The following GALNTL6 variants were observed in gnomAD, a reference collection of about 807,000 sequenced individuals.
GALNTL6 encodes polypeptide N-acetylgalactosaminyltransferase like 6, also known as polypeptide N-acetylgalactosaminyltransferase-like 6.
Under a neutral mutation model 73.7 loss-of-function variants are expected in GALNTL6, and 46 were observed. The observed-to-expected ratio is 0.62, with a 90% CI of 0.49 to 0.80. GALNTL6 has a LOEUF of 0.80. Among genes scored for constraint, GALNTL6 ranks in the 30% least tolerant of loss-of-function variants. GALNTL6 has a pLI of 0.00. For synonymous variants in GALNTL6, 259 were observed against 263.7 expected (o/e 0.98, Z 0.17); for missense variants, 604 against 755.0 (o/e 0.80, Z 2.34).
intron 5 of GALNTL6, among the ~76,000 whole-genome samples, chr4:172,460,339 G>A (rs1732565438): frequency 6.6e-6 from 1 of 150,864 alleles, no homozygotes; most frequent in Non-Finnish European, 1.5e-5. Flanking sequence ...AACACCAAAA[G>A]CAATGGCAAA....
chr4:171,914,281 G>A (rs1737553204), intron 2 of GALNTL6, among the ~76,000 whole-genome samples: 1 of 151,982 alleles, frequency 6.6e-6, no homozygotes, highest in African/African-American at 2.4e-5. Context: ...AAAAGAAAGA[G>A]ACCTATATTC....
chr4:171,956,647 TATC>T (rs1476470151), intron 2 of GALNTL6, among the ~76,000 whole-genome samples: 3 of 152,232 alleles, frequency 2.0e-5, no homozygotes, highest in Admixed American at 6.5e-5. Flanking sequence ...ATTGTTTTAT[TATC>T]ATTTTTAAAA....
intron 8 of GALNTL6, among the ~76,000 whole-genome samples, chr4:172,885,090 T>C (rs1745650019): frequency 6.6e-6 from 1 of 152,216 alleles, no homozygotes; most frequent in South Asian, 2.1e-4. Context: ...TGTTCAGGAC[T>C]GCTTTAGCTA....
intron 11 of GALNTL6, among the ~76,000 whole-genome samples, chr4:173,017,872 G>A (rs1752845444): frequency 6.6e-6 from 1 of 152,188 alleles, no homozygotes; most frequent in African/African-American, 2.4e-5. Flanking sequence ...TGTAACACAG[G>A]TATTCTTTTG....
At chr4:172,439,829 C>A (rs1347087479) in intron 5 of GALNTL6, among the ~76,000 whole-genome samples, 1 of 151,936 alleles carries the variant, frequency 6.6e-6, no homozygotes, top group Non-Finnish European at 1.5e-5. Flanking sequence ...TAGAGATTTC[C>A]CGTATACCCT....
chr4:173,032,137 T>C (rs980350956), intron 12 of GALNTL6, among the ~76,000 whole-genome samples: 17 of 152,208 alleles, frequency 1.1e-4, no homozygotes, highest in Non-Finnish European at 1.8e-4. Flanking sequence ...GCAAAAGTCA[T>C]TGCAGTTTTT....
intron 4 of GALNTL6, among the ~76,000 whole-genome samples, chr4:172,346,555 G>A (rs1438054960): frequency 6.6e-6 from 1 of 152,150 alleles, no homozygotes; most frequent in Non-Finnish European, 1.5e-5. Context: ...TTGGCTTATG[G>A]GCCTCTCTCA....
At chr4:172,026,671 C>T (rs1189854475) in intron 2 of GALNTL6, among the ~76,000 whole-genome samples, 1 of 152,016 alleles carries the variant, frequency 6.6e-6, no homozygotes, top group East Asian at 1.9e-4. Flanking sequence ...TGTTTCATTT[C>T]TATGGTTTTG....
chr4:172,371,970 A>G (rs2111260322), intron 5 of GALNTL6, among the ~76,000 whole-genome samples: 1 of 152,312 alleles, frequency 6.6e-6, no homozygotes, highest in Admixed American at 6.5e-5. Context: ...GTAGGATTAG[A>G]TAAGCATACT....
rs77745630 is a variant in GALNTL6, at chr4:172,840,644, C to G, written c.923+26921C>G. Reference sequence around the variant, plus strand: ...AAGCACAATGAACAGGCTTAGAGTTCATTGTGCAGTAGCACCATGTATACA... The same window carrying G: ...AAGCACAATGAACAGGCTTAGAGTTGATTGTGCAGTAGCACCATGTATACA... On this transcript the variant is annotated intron_variant, in intron 7 of 12. Transcript: ENST00000506823. Among the ~76,000 whole-genome samples the G allele has an allele frequency of 5.4e-3, 828 of 152,302 alleles. 9 individuals are homozygous for G. Among genetic ancestry groups the G allele is most frequent in the African/African-American group, 0.016 (667 of 41,560 alleles).
chr4:172,962,084 T>A (rs1241146000), intron 10 of GALNTL6, among the ~76,000 whole-genome samples: 1 of 152,120 alleles, frequency 6.6e-6, no homozygotes, highest in African/African-American at 2.4e-5. Context: ...GGTTGTTCTC[T>A]GGCTGGCAAG....
At chr4:172,715,299 C>T (rs529720421) in intron 5 of GALNTL6, among the ~76,000 whole-genome samples, 94 of 152,260 alleles carry the variant, frequency 6.2e-4, no homozygotes, top group Non-Finnish European at 6.8e-4. Flanking sequence ...TATGCACACA[C>T]ACAAGTATGT....
At chr4:172,626,705 A>G (rs111997624) in intron 5 of GALNTL6, among the ~76,000 whole-genome samples, 30 of 152,132 alleles carry the variant, frequency 2.0e-4, no homozygotes, top group African/African-American at 7.0e-4. Context: ...CTTTGTAGAC[A>G]TCTTTCACCT....
intron 5 of GALNTL6, among the ~76,000 whole-genome samples, chr4:172,535,683 TCACTG>T (rs1735324503): frequency 6.6e-6 from 1 of 152,146 alleles, no homozygotes; most frequent in South Asian, 2.1e-4. Flanking sequence ...TTTAAATGTG[TCACTG>T]TATACTAATA....
intron 5 of GALNTL6, among the ~76,000 whole-genome samples, chr4:172,423,061 T>C (rs955824458): frequency 1.3e-5 from 2 of 151,802 alleles, no homozygotes; most frequent in East Asian, 3.9e-4. Context: ...TTTATAGAGG[T>C]AGACACCAGG....
chr4:172,337,317 C>G (rs564425718), intron 4 of GALNTL6, among the ~76,000 whole-genome samples: 1 of 152,064 alleles, frequency 6.6e-6, no homozygotes, highest in East Asian at 1.9e-4. Flanking sequence ...GGTTTTAATT[C>G]TATTGTGAAG....
chr4:172,597,725 G>C (rs534697150), intron 5 of GALNTL6, among the ~76,000 whole-genome samples: 1 of 152,256 alleles, frequency 6.6e-6, no homozygotes, highest in East Asian at 1.9e-4. Flanking sequence ...CTAGCATTTA[G>C]AGAGGACTTT....
At chr4:172,284,706 GCTAT>G in intron 3 of GALNTL6, among the ~76,000 whole-genome samples, 1 of 152,114 alleles carries the variant, frequency 6.6e-6, no homozygotes. Context: ...TTTGCATGTG[GCTAT>G]CTAATTTTCA....
chr4:172,822,190 C>A (rs185882130), intron 7 of GALNTL6, among the ~76,000 whole-genome samples: 10 of 152,140 alleles, frequency 6.6e-5, no homozygotes, highest in Non-Finnish European at 1.2e-4. Flanking sequence ...TTCTACTGTA[C>A]CTCCCTGCTT....
Sources: gnomAD v4.1 joint callset for allele counts (sites outside exome capture counted in the v4.1 genomes callset) on GRCh38, gnomAD v4.1.1 for gene constraint, MANE v1.5 for transcripts, NCBI Gene and HGNC (gene_info 2026-07-23, HGNC 2026-07-21) for gene names.